The following PCDH9 variants were observed in gnomAD, a reference collection of about 807,000 sequenced individuals.
PCDH9 encodes the protein protocadherin-9.
In PCDH9, 24 loss-of-function variants were observed where a neutral mutation model predicts 70.6. That is an observed-to-expected ratio of 0.34 (90% CI 0.25 to 0.48). The LOEUF (loss-of-function observed/expected upper bound fraction) is 0.48, where lower values mean the gene tolerates loss of function less well. PCDH9 is among the 20% of genes least tolerant of loss of function. PCDH9 has a pLI of 0.99. For synonymous variants in PCDH9, 562 were observed against 558.5 expected (o/e 1.01, Z -0.09); for missense variants, 1,281 against 1,503.6 (o/e 0.85, Z 2.45).
At chr13:66,671,173 G>A (rs1040650755) in intron 3 of PCDH9, among the ~76,000 whole-genome samples, 4 of 152,136 alleles carry the variant, frequency 2.6e-5, no homozygotes, top group Non-Finnish European at 4.4e-5. Flanking sequence ...CTCCTCCTTC[G>A]CCTTCTGCCA....
Position 67,052,778 on chromosome 13 carries a change from G to A in PCDH9, c.3037-149173C>T, listed in dbSNP as rs191558143. ...GGCAGAAAGAACCGATTTATTCGAC[G>A]GTGGAGGCGGAAGGTGGGGGATCAA... On this transcript the variant is annotated intron_variant, in intron 2 of 4. Coordinates refer to ENST00000377865, the MANE Select transcript of PCDH9 (RefSeq NM_203487.3). Among the ~76,000 whole-genome samples, 193 of 152,162 alleles carry A rather than the reference G, an allele frequency of 1.3e-3. 1 individual carries two copies. The highest frequency in any genetic ancestry group is 4.6e-3 in the African/African-American group (193 of 41,528).
At chr13:66,519,654 A>C (rs980435220) in intron 4 of PCDH9, among the ~76,000 whole-genome samples, 1 of 152,168 alleles carries the variant, frequency 6.6e-6, no homozygotes, top group Middle Eastern at 3.2e-3. Context: ...AACAGACAAC[A>C]CACATGCCAG....
At chr13:66,837,622 T>TA (rs1356532143) in intron 3 of PCDH9, among the ~76,000 whole-genome samples, 3 of 152,202 alleles carry the variant, frequency 2.0e-5, no homozygotes, top group Non-Finnish European at 4.4e-5. Context: ...CAACACTGTG[T>TA]AGGGGACAGA....
intron 4 of PCDH9, among the ~76,000 whole-genome samples, chr13:66,614,086 C>G (rs558734952): frequency 6.6e-6 from 1 of 152,064 alleles, no homozygotes; most frequent in East Asian, 1.9e-4. Flanking sequence ...CCAAATTTTA[C>G]CTTAAAGTTA....
At chr13:66,419,295 C>T (rs1304473061) in intron 4 of PCDH9, among the ~76,000 whole-genome samples, 5 of 151,890 alleles carry the variant, frequency 3.3e-5, no homozygotes, top group Admixed American at 6.6e-5. Context: ...ATGTGAAATC[C>T]TCAATAAAAT....
chr13:66,824,852 T>C (rs1483353484), intron 3 of PCDH9, among the ~76,000 whole-genome samples: 1 of 151,464 alleles, frequency 6.6e-6, no homozygotes, highest in Non-Finnish European at 1.5e-5. Flanking sequence ...GAAATGTCCC[T>C]AGTGAAAGTC....
intron 2 of PCDH9, among the ~76,000 whole-genome samples, chr13:67,196,224 T>C (rs1049883699): frequency 6.6e-6 from 1 of 152,126 alleles, no homozygotes; most frequent in African/African-American, 2.4e-5. Flanking sequence ...ATGTGGAATG[T>C]ATGTGGTGCA....
chr13:67,053,204 G>A (rs1196925657), intron 2 of PCDH9, among the ~76,000 whole-genome samples: 2 of 151,932 alleles, frequency 1.3e-5, no homozygotes, highest in Non-Finnish European at 1.5e-5. Context: ...TTTTTTAAAT[G>A]GAAAAAAAGA....
At chr13:66,586,730 A>G (rs1204326618) in intron 4 of PCDH9, among the ~76,000 whole-genome samples, 1 of 152,200 alleles carries the variant, frequency 6.6e-6, no homozygotes, top group African/African-American at 2.4e-5. Flanking sequence ...AACTACTGAC[A>G]CATCAAAAAA....
chr13:66,846,104 C>T (rs1342858814), intron 3 of PCDH9, among the ~76,000 whole-genome samples: 1 of 124,290 alleles, frequency 8.0e-6, no homozygotes, highest in Non-Finnish European at 1.6e-5. Context: ...AGGATGTAAA[C>T]ACACATAGAT....
chr13:66,990,752 A>C (rs998398713), intron 2 of PCDH9: 3 of 151,396 alleles, frequency 2.0e-5, no homozygotes, highest in African/African-American at 7.3e-5. Context: ...CTGAATTTCT[A>C]GTAATAATAA....
chr13:67,010,654 T>C (rs2084435287), intron 2 of PCDH9, among the ~76,000 whole-genome samples: 1 of 152,030 alleles, frequency 6.6e-6, no homozygotes, highest in Admixed American at 6.6e-5. Context: ...TCCTTAGTTA[T>C]GTATGCATTG....
intron 2 of PCDH9, chr13:67,002,066 A>G (rs2084256463): frequency 6.6e-6 from 1 of 152,238 alleles, no homozygotes; most frequent in Non-Finnish European, 1.5e-5. Flanking sequence ...GAAGTAAGCT[A>G]GTTAGATTCT....
intron 4 of PCDH9, among the ~76,000 whole-genome samples, chr13:66,587,115 G>C (rs1464944450): frequency 6.6e-6 from 1 of 151,976 alleles, no homozygotes; most frequent in Non-Finnish European, 1.5e-5. Flanking sequence ...GGGCAACATA[G>C]TGAGACCTTG....
chr13:67,188,346 A>T (rs1051882171), intron 2 of PCDH9, among the ~76,000 whole-genome samples: 6 of 152,132 alleles, frequency 3.9e-5, no homozygotes, highest in African/African-American at 1.4e-4. Context: ...TGAATCTAAA[A>T]ATGTGATGCA....
At chr13:67,209,874 G>A (rs1358307448) in intron 2 of PCDH9, 1 of 151,966 alleles carries the variant, frequency 6.6e-6, no homozygotes. Context: ...TCCAGCATGA[G>A]ACTGACAAGT....
chr13:66,810,662 T>C lies in PCDH9; in HGVS notation c.3138+92842A>G, dbSNP rs577570992. Among the ~76,000 whole-genome samples the C allele has an allele frequency of 1.2e-4, 18 of 152,092 alleles. No homozygotes were observed. In the East Asian group the frequency reaches 2.1e-3, roughly 18 times the overall value. ...CTAGTATTCTTTATTTTTATCACTC[T>C]TCTTAAGAGAGCTTATATTATGCTG... On this transcript the variant is annotated intron_variant, in intron 3 of 4. Coordinates refer to ENST00000377865, the MANE Select transcript of PCDH9 (RefSeq NM_203487.3).
chr13:66,491,657 C>T (rs1385082812), intron 4 of PCDH9, among the ~76,000 whole-genome samples: 1 of 152,036 alleles, frequency 6.6e-6, no homozygotes, highest in African/African-American at 2.4e-5. Context: ...TACACTGTAT[C>T]ATGTAAATGC....
intron 2 of PCDH9, chr13:67,214,748 C>T (rs992220636): frequency 6.6e-6 from 1 of 151,364 alleles, no homozygotes; most frequent in African/African-American, 2.4e-5. Flanking sequence ...AACACAAAAG[C>T]AGATGAACAC....
Sources: gnomAD v4.1 joint callset for allele counts (sites outside exome capture counted in the v4.1 genomes callset) on GRCh38, gnomAD v4.1.1 for gene constraint, MANE v1.5 for transcripts, NCBI Gene and HGNC (gene_info 2026-07-23, HGNC 2026-07-21) for gene names.